Variants in SLCO1B1 observed in about 807,000 individuals in gnomAD.
SLCO1B1 encodes the protein OATP-2.
In SLCO1B1, 81 loss-of-function variants were observed where a neutral mutation model predicts 70.1. The ratio of observed to expected loss-of-function variants is 1.16; its 90% CI spans 0.97 to 1.39. The LOEUF is 1.39. SLCO1B1 is among the 40% of genes most tolerant of loss of function. SLCO1B1 has a pLI of 0.00. For missense variants in SLCO1B1, 895 were observed against 799.6 expected, an observed-to-expected ratio of 1.12 and a Z score of -1.44; for synonymous variants, 283 against 271.5, an observed-to-expected ratio of 1.04 and a Z score of -0.42.
At chr12:21,201,479 G>A (rs546337831) in intron 9 of SLCO1B1, among the ~76,000 whole-genome samples, 15 of 152,104 alleles carry the variant, frequency 9.9e-5, no homozygotes, top group South Asian at 8.3e-4. Context: ...ACAAAGATAT[G>A]GAAAAGTTAT....
At chr12:21,169,157 T>C (rs181754151) in intron 2 of SLCO1B1, among the ~76,000 whole-genome samples, 1 of 152,306 alleles carries the variant, frequency 6.6e-6, no homozygotes, top group Non-Finnish European at 1.5e-5. Flanking sequence ...TTTTGCTGCT[T>C]CTTTTAAGAG....
At chr12:21,139,891 C>T (rs779512025) in intron 1 of SLCO1B1, among the ~76,000 whole-genome samples, 23 of 151,832 alleles carry the variant, frequency 1.5e-4, no homozygotes, top group Non-Finnish European at 3.1e-4. Context: ...CGAATGGGCC[C>T]CAAAGATAGT....
chr12:21,179,463 T>C (rs914561301), intron 7 of SLCO1B1, among the ~76,000 whole-genome samples: 10 of 152,170 alleles, frequency 6.6e-5, no homozygotes, highest in Admixed American at 2.6e-4. Context: ...ATGGTCATTT[T>C]CCCTGGTCCT....
chr12:21,195,813 G>A (rs1407766278), intron 7 of SLCO1B1, among the ~76,000 whole-genome samples: 1 of 152,162 alleles, frequency 6.6e-6, no homozygotes, highest in Non-Finnish European at 1.5e-5. Flanking sequence ...GGTATATGCT[G>A]AGTCCTGTCA....
At chr12:21,160,210 C>A (rs111770340) in intron 2 of SLCO1B1, among the ~76,000 whole-genome samples, 1 of 151,622 alleles carries the variant, frequency 6.6e-6, no homozygotes, top group East Asian at 1.9e-4. Context: ...GACATCATGC[C>A]GTCTGATTTC....
intron 11 of SLCO1B1, among the ~76,000 whole-genome samples, chr12:21,212,896 T>C (rs918366155): frequency 6.6e-6 from 1 of 152,118 alleles, no homozygotes; most frequent in Admixed American, 6.5e-5. Context: ...CCCCTAACTT[T>C]TTTTGTTTTC....
At chr12:21,218,811 A>G (rs993635537) in intron 12 of SLCO1B1, among the ~76,000 whole-genome samples, 1 of 152,208 alleles carries the variant, frequency 6.6e-6, no homozygotes, top group African/African-American at 2.4e-5. Context: ...TTAAATCAGC[A>G]TTACAACTTG....
chr12:21,153,636 T>A (rs1247036860), intron 2 of SLCO1B1, among the ~76,000 whole-genome samples: 1 of 152,100 alleles, frequency 6.6e-6, no homozygotes, highest in Non-Finnish European at 1.5e-5. Context: ...ATCTTCTATG[T>A]CCTTGCTAAT....
rs140871408 is a variant in SLCO1B1 at position 21,166,856 on chromosome 12, C to G, written c.85-5794C>G. 4.7e-4 allele frequency among the ~76,000 whole-genome samples: 71 copies of G among 152,204 alleles called. No homozygotes were observed. In the East Asian group the frequency reaches 0.01, roughly 22 times the overall value. ...GCCTACAAAGAGGTGTTTATAGCAG[C>G]CTTATTGATAATTGCCATAAGTTAG... On this transcript the variant is annotated intron_variant, in intron 2 of 14. Transcript: ENST00000256958.
chr12:21,176,590 G>C (rs1419439540), intron 4 of SLCO1B1, among the ~76,000 whole-genome samples, 186 bp from the exon 5 acceptor site: 1 of 152,010 alleles, frequency 6.6e-6, no homozygotes, highest in African/African-American at 2.4e-5. Context: ...TTTCTTGCTG[G>C]ACACTTCCAT....
chr12:21,210,831 G>A (rs924219959), intron 11 of SLCO1B1, among the ~76,000 whole-genome samples: 2 of 151,812 alleles, frequency 1.3e-5, no homozygotes, highest in Middle Eastern at 3.4e-3. Context: ...AATTGTGAAT[G>A]GGAGTTCACT....
At chr12:21,174,880 T>G (rs934983195) in intron 4 of SLCO1B1, among the ~76,000 whole-genome samples, 171 bp downstream of exon 4, 21 of 152,324 alleles carry the variant, frequency 1.4e-4, no homozygotes, top group Admixed American at 7.8e-4. Context: ...ATTTTATTTA[T>G]CGTAGCTTTC....
chr12:21,238,348 C>G (rs779626746), intron 14 of SLCO1B1, among the ~76,000 whole-genome samples: 32 of 152,082 alleles, frequency 2.1e-4, no homozygotes, highest in Non-Finnish European at 4.0e-4. Context: ...TGAATGCTGT[C>G]TACCTTATTG....
intron 7 of SLCO1B1, among the ~76,000 whole-genome samples, chr12:21,183,376 C>G (rs2121116579): frequency 6.6e-6 from 1 of 152,220 alleles, no homozygotes; most frequent in African/African-American, 2.4e-5. Flanking sequence ...GTGTTATTTT[C>G]TGTAAAGACA....
At chr12:21,134,199 G>C (rs1163322114) in intron 1 of SLCO1B1, among the ~76,000 whole-genome samples, 1 of 152,158 alleles carries the variant, frequency 6.6e-6, no homozygotes, top group Non-Finnish European at 1.5e-5. Flanking sequence ...GGTCATGTTG[G>C]ATAAGCTTTT....
chr12:21,197,963 A>AGATATGTGAATCAGT (rs1257150550), intron 8 of SLCO1B1, among the ~76,000 whole-genome samples: 1 of 152,142 alleles, frequency 6.6e-6, no homozygotes, highest in Non-Finnish European at 1.5e-5. Flanking sequence ...AGCCAGAGCA[A>AGATATGTGAATCAGT]GATATGTGAA....
chr12:21,179,067 C>A (rs1199694464), intron 7 of SLCO1B1, 47 bp downstream of exon 7: 1 of 1,180,468 alleles, frequency 8.5e-7, no homozygotes, highest in Non-Finnish European at 1.3e-6. Context: ...TTTCTAAGCA[C>A]ACATGCGAAA....
chr12:21,200,897 T>A (rs577422630), intron 9 of SLCO1B1, among the ~76,000 whole-genome samples: 2 of 152,214 alleles, frequency 1.3e-5, no homozygotes, highest in Admixed American at 6.5e-5. Context: ...CTGAAAAAAA[T>A]GTTGCAAATA....
chr12:21,233,122 T>C (rs1439258147), intron 14 of SLCO1B1, among the ~76,000 whole-genome samples: 1 of 152,058 alleles, frequency 6.6e-6, no homozygotes, highest in African/African-American at 2.4e-5. Flanking sequence ...CTTTCATTGG[T>C]CCCTATCATC....
Sources: allele counts gnomAD v4.1 joint callset (sites outside exome capture counted in the v4.1 genomes callset), GRCh38; gene constraint gnomAD v4.1.1; transcripts MANE v1.5; gene names NCBI Gene and HGNC (gene_info 2026-07-23, HGNC 2026-07-21).